Variants in SCPEP1 observed in about 807,000 individuals in gnomAD.
The protein encoded by SCPEP1 is serine carboxypeptidase 1.
Under a neutral mutation model 63.8 loss-of-function variants are expected in SCPEP1, and 51 were observed. The observed-to-expected ratio is 0.80, with a 90% confidence interval of 0.64 to 1.01. The LOEUF (loss-of-function observed/expected upper bound fraction) is 1.01, where lower values mean the gene tolerates loss of function less well. SCPEP1 is among the 50% of genes least tolerant of loss of function. The pLI is 0.00. For synonymous variants in SCPEP1, 204 were observed against 207.8 expected (o/e 0.98, Z 0.16); for missense variants, 499 against 554.9 (o/e 0.90, Z 1.01).
At chr17:56,997,121 TA>T (rs369404186) in intron 9 of SCPEP1, 66 bp downstream of exon 9, 31,068 of 706,950 alleles carry the variant, frequency 0.044, 52 homozygotes, top group African/African-American at 0.058. Flanking sequence ...ACCTGTTTAT[TA>T]AAAAAAAAAA....
Position 56,991,115 on chromosome 17 carries a change from C to T in SCPEP1, c.563C>T (p.Thr188Ile). Residue 188 changes from threonine (T) to isoleucine (I), a missense_variant, in exon 6 of 13, where the codon ACC becomes ATC. By Grantham distance (89) the Thr-to-Ile change is moderately conservative (BLOSUM62 -1). Transcript: ENST00000262288. ...LELYKAIQRG[T>I]IKCNFAGVAL... ...CTCTTTCAGGCCATTCAGCGAGGGA[C>T]CATCAAGTGCAACTTTGCGGGGGTT... is the stretch of plus-strand genomic sequence containing the variant. 6.2e-7 allele frequency: 1 copy of T among 1,613,878 alleles called. No homozygotes were observed. Among genetic ancestry groups the T allele is most frequent in the Admixed American group, 1.7e-5 (1 of 60,004 alleles).
At chr17:57,001,887 C>A in intron 11 of SCPEP1, 131 bp from the exon 12 acceptor site, 1 of 940,016 alleles carries the variant, frequency 1.1e-6, no homozygotes, top group Non-Finnish European at 1.6e-6. Context: ...TCAGAATTTG[C>A]ATTTTAACAA....
At chr17:56,987,897 A>G (rs1911272606) in intron 4 of SCPEP1, 47 bp downstream of exon 4, 3 of 1,597,342 alleles carry the variant, frequency 1.9e-6, no homozygotes, top group African/African-American at 2.7e-5. Context: ...GGCAATATCA[A>G]CTCTACATCC....
chr17:57,001,933 G>A, intron 11 of SCPEP1, 85 bp from the exon 12 acceptor site: 1 of 1,424,214 alleles, frequency 7.0e-7, no homozygotes, highest in Admixed American at 2.3e-5. Context: ...TGCAGTTTGG[G>A]AAGCACCAAC....
Position 57,000,901 on chromosome 17 carries a change from G to A in SCPEP1, c.1041G>A (p.Lys347=). 2 of 1,614,170 alleles carry A rather than the reference G, an allele frequency of 1.2e-6. No homozygotes were observed. Among genetic ancestry groups the A allele is most frequent in the Non-Finnish European group, 1.7e-6 (2 of 1,180,012 alleles). The change falls in exon 11 of 13, where the codon AAG becomes AAA. Residue 347 remains lysine, a synonymous_variant. Coordinates refer to ENST00000262288, the MANE Select transcript of SCPEP1 (RefSeq NM_021626.3). ...TGAACATGGAGGAGGACTTCATGAAGCCAGTCATTAGCATTGTGGACGAGT... is the reference window on the plus strand; with the variant it reads ...TGAACATGGAGGAGGACTTCATGAAACCAGTCATTAGCATTGTGGACGAGT... ...VFVNMEEDFM[K]PVISIVDELL...
chr17:57,004,495 C>T (rs1185509741), intron 12 of SCPEP1, among the ~76,000 whole-genome samples: 3 of 152,140 alleles, frequency 2.0e-5, no homozygotes, highest in Non-Finnish European at 4.4e-5. Flanking sequence ...AAAATTAGAA[C>T]GTCTTAGAGC....
intron 5 of SCPEP1, among the ~76,000 whole-genome samples, chr17:56,988,533 A>C (rs1911292688): frequency 6.6e-6 from 1 of 152,186 alleles, no homozygotes; most frequent in Admixed American, 6.5e-5. Flanking sequence ...CAATAGACAA[A>C]TAGGTTAATT....
At chr17:56,987,469 T>C (rs79204905) in intron 3 of SCPEP1, 3 of 37,248 alleles carry the variant, frequency 8.1e-5, no homozygotes, top group Admixed American at 8.7e-4. Flanking sequence ...GCCTCTCCCT[T>C]TTTTTTTTTT....
intron 11 of SCPEP1, 142 bp downstream of exon 11, chr17:57,001,134 C>T (rs74457786): frequency 0.023 from 20,594 of 897,298 alleles, 336 homozygotes; most frequent in Non-Finnish European, 0.029. Flanking sequence ...CCGTCTACCC[C>T]GACCTTGATT....
chr17:56,995,638 A>T lies in SCPEP1; in HGVS notation c.786+3A>T. On this transcript the variant is annotated splice_donor_region_variant and intron_variant, in intron 8 of 12. Transcript: ENST00000262288. ...AAGCAGAAATGATCATTGAACAGGT[A>T]AAAAGGGGAAACACTCAGAGGCGAG... The T allele has an allele frequency of 6.2e-7, 1 of 1,613,316 alleles. No homozygotes were observed. Among genetic ancestry groups the T allele is most frequent in the East Asian group, 2.2e-5 (1 of 44,856 alleles).
intron 1 of SCPEP1, among the ~76,000 whole-genome samples, chr17:56,979,775 T>C (rs1020767460): frequency 1.1e-4 from 17 of 152,228 alleles, no homozygotes. Flanking sequence ...TTTTTATTTT[T>C]GATTTACAGA....
At chr17:56,993,931 C>T (rs186282471) in intron 6 of SCPEP1, among the ~76,000 whole-genome samples, 2 of 152,306 alleles carry the variant, frequency 1.3e-5, no homozygotes, top group Admixed American at 1.3e-4. Context: ...GCAGCCAATC[C>T]TGTGTTTTAA....
chr17:56,978,970 G>C (rs1256987987), intron 1 of SCPEP1, among the ~76,000 whole-genome samples: 1 of 152,214 alleles, frequency 6.6e-6, no homozygotes, highest in Non-Finnish European at 1.5e-5. Flanking sequence ...CAAGGGAGAA[G>C]TGCCTGGGGT....
rs1015625504 is a variant in SCPEP1 at position 56,982,160 on chromosome 17, A to G, written c.225+930A>G. 2.0e-5 allele frequency among the ~76,000 whole-genome samples: 3 copies of G among 152,068 alleles called. No homozygotes were observed. In the East Asian group the frequency reaches 5.8e-4, roughly 29 times the overall value. On this transcript the variant is annotated intron_variant, in intron 2 of 12. Coordinates refer to ENST00000262288, the MANE Select transcript of SCPEP1 (RefSeq NM_021626.3). Reference sequence around the variant, plus strand: ...ATGGCCCACCCCCACCCGGAAGACCACCCACCAGGGAGGAATTAAGGAACA... The same window carrying G: ...ATGGCCCACCCCCACCCGGAAGACCGCCCACCAGGGAGGAATTAAGGAACA...
chr17:56,994,826 C>T, intron 6 of SCPEP1, 155 bp from the exon 7 acceptor site: 1 of 605,458 alleles, frequency 1.7e-6, no homozygotes, highest in Non-Finnish European at 3.0e-6. Flanking sequence ...AGCCCGCCTC[C>T]TGCATGGGTA....
At chr17:57,005,514 G>A (rs1012742657) in intron 12 of SCPEP1, among the ~76,000 whole-genome samples, 4 of 152,172 alleles carry the variant, frequency 2.6e-5, no homozygotes, top group Non-Finnish European at 5.9e-5. Flanking sequence ...AGTCAAGGAT[G>A]GGTGTGCCAT....
At chr17:56,987,923 A>G in intron 4 of SCPEP1, 73 bp downstream of exon 4, 2 of 1,506,700 alleles carry the variant, frequency 1.3e-6, no homozygotes, top group Non-Finnish European at 1.8e-6. Flanking sequence ...CATAAACCTG[A>G]ACTGCCTCCA....
intron 7 of SCPEP1, 86 bp downstream of exon 7, chr17:56,995,104 G>A: frequency 8.0e-7 from 1 of 1,249,934 alleles, no homozygotes; most frequent in Non-Finnish European, 1.2e-6. Context: ...GATGCTGGAT[G>A]AGTTTGCCTA....
At chr17:57,002,655 C>T (rs554207991) in intron 12 of SCPEP1, among the ~76,000 whole-genome samples, 5 of 152,024 alleles carry the variant, frequency 3.3e-5, no homozygotes, top group African/African-American at 7.2e-5. Context: ...TGCAGTGAGC[C>T]GAGATAGCAC....
Sources: gnomAD v4.1 joint callset for allele counts (sites outside exome capture counted in the v4.1 genomes callset) on GRCh38, gnomAD v4.1.1 for gene constraint, MANE v1.5 for transcripts, NCBI Gene and HGNC (gene_info 2026-07-23, HGNC 2026-07-21) for gene names.